TJP2: variants seen among roughly 807,000 people sequenced by gnomAD.
The protein encoded by TJP2 is tight junction protein 2.
TJP2 carries 91 observed loss-of-function variants against 133.1 expected under a neutral mutation model. That is an observed-to-expected ratio of 0.68 (90% CI 0.58 to 0.81). The LOEUF is 0.81. TJP2 is among the 40% of genes least tolerant of loss of function. TJP2 has a pLI of 0.00. For missense variants in TJP2, 1,541 were observed against 1,565.6 expected (o/e 0.98, Z 0.26); for synonymous variants, 592 against 583.4 (o/e 1.01, Z -0.21).
At chr9:69,230,863 A>C (rs1829721029) in intron 11 of TJP2, among the ~76,000 whole-genome samples, 1 of 152,222 alleles carries the variant, frequency 6.6e-6, no homozygotes, top group Admixed American at 6.5e-5. Flanking sequence ...GAAGATAACA[A>C]ATAGCTGCTA....
chr9:69,166,907 A>G (rs1824387036), intron 2 of TJP2, among the ~76,000 whole-genome samples: 1 of 152,218 alleles, frequency 6.6e-6, no homozygotes, highest in Non-Finnish European at 1.5e-5. Context: ...ACTGCACTCC[A>G]GCCTGGGCCA....
intron 1 of TJP2, among the ~76,000 whole-genome samples, chr9:69,196,463 G>T (rs1826567146): frequency 6.6e-6 from 1 of 152,078 alleles, no homozygotes; most frequent in Non-Finnish European, 1.5e-5. Context: ...TAGAGAGGTG[G>T]GTCTTGTTAC....
chr9:69,176,019 T>C (rs1825058215), intron 1 of TJP2, among the ~76,000 whole-genome samples: 1 of 152,244 alleles, frequency 6.6e-6, no homozygotes, highest in African/African-American at 2.4e-5. Context: ...AGGGGTCTAG[T>C]GGACCTGAAA....
At chr9:69,220,049 G>C (rs1416239146) in intron 4 of TJP2, among the ~76,000 whole-genome samples, 4 of 152,140 alleles carry the variant, frequency 2.6e-5, no homozygotes, top group African/African-American at 9.7e-5. Flanking sequence ...TATCGGGAGG[G>C]TGAGGCACGA....
At chr9:69,237,850 G>A in intron 14 of TJP2, 28 bp from the exon 15 acceptor site, 1 of 1,526,788 alleles carries the variant, frequency 6.5e-7, no homozygotes, top group African/African-American at 1.4e-5. Flanking sequence ...AAGTGTGTAT[G>A]CTTTAATGGC....
At chr9:69,208,215 T>C (rs1827586446) in intron 1 of TJP2, among the ~76,000 whole-genome samples, 1 of 152,208 alleles carries the variant, frequency 6.6e-6, no homozygotes, top group Non-Finnish European at 1.5e-5. Context: ...CTAGTTCCCT[T>C]CCTTTACAAT....
rs1156502519 is a variant in TJP2, at chr9:69,158,327, C to CAAA, written c.-10+6579_-10+6581dup. On this transcript the variant is annotated intron_variant, in intron 2 of 5. Coordinates refer to the TJP2 transcript ENST00000423935. ...TGAGGGACAGAGCAAGACTTTGCCT[C>CAAA]AAAAAAAAAAAAAAAAAAAAAAAAA... Among the ~76,000 whole-genome samples the CAAA allele has an allele frequency of 8.6e-3, 444 of 51,928 alleles. 4 individuals are homozygous for CAAA. Among genetic ancestry groups the CAAA allele is most frequent in the Middle Eastern group, 0.05 (2 of 40 alleles). The allele number at this position is 51,928 out of a possible 152,430, so 34.1% of individuals were successfully genotyped here.
rs774647300 is a variant in TJP2 at position 69,240,128 on chromosome 9, G to A, written c.2547G>A (p.Thr849=). The A allele has an allele frequency of 1.2e-5, 19 of 1,613,752 alleles. No homozygotes were observed. Among genetic ancestry groups the A allele is most frequent in the East Asian group, 6.7e-5 (3 of 44,866 alleles). ...LFDQANKLKK[T]CAHLFTATIN... is the part of the protein sequence containing the mutation. ...ATCAAGCCAACAAGCTTAAAAAAAC[G>A]TGTGCACACCTTTTTACAGGTAAGT... The change falls in exon 17 of 23, where the codon ACG becomes ACA. Residue 849 remains threonine, a synonymous_variant. Coordinates refer to ENST00000377245, the MANE Select transcript of TJP2 (RefSeq NM_004817.4).
intron 5 of TJP2, among the ~76,000 whole-genome samples, chr9:69,224,343 G>A (rs1470411573): frequency 6.6e-6 from 1 of 151,078 alleles, no homozygotes; most frequent in Non-Finnish European, 1.5e-5. Flanking sequence ...CTATTAAGGT[G>A]TGCTGAATTG....
At chr9:69,214,126 C>T (rs977250621) in intron 2 of TJP2, among the ~76,000 whole-genome samples, 10 of 152,152 alleles carry the variant, frequency 6.6e-5, no homozygotes, top group African/African-American at 1.9e-4. Flanking sequence ...CATTCAGTTG[C>T]CCAGGCTGGA....
chr9:69,243,894 A>G (rs534982263), intron 17 of TJP2, among the ~76,000 whole-genome samples: 180 of 147,742 alleles, frequency 1.2e-3, no homozygotes, highest in Middle Eastern at 3.4e-3. Context: ...TTGAAAGTAT[A>G]TAGTTCAGCT....
At chr9:69,204,613 T>A (rs1175265198) in intron 1 of TJP2, among the ~76,000 whole-genome samples, 5 of 152,206 alleles carry the variant, frequency 3.3e-5, no homozygotes, top group African/African-American at 1.2e-4. Flanking sequence ...CAGCACCAAA[T>A]GAGTCTTATC....
chr9:69,173,454 G>A (rs1824800761), upstream of TJP2, among the ~76,000 whole-genome samples: 1 of 152,228 alleles, frequency 6.6e-6, no homozygotes, highest in African/African-American at 2.4e-5. Flanking sequence ...ATAAGCACTT[G>A]TGACCTACTG....
At chr9:69,234,376 T>G in intron 11 of TJP2, 63 bp from the exon 12 acceptor site, 14 of 1,244,468 alleles carry the variant, frequency 1.1e-5, no homozygotes, top group Non-Finnish European at 1.5e-5. Context: ...TGTTTTTTCT[T>G]TCTTTCTTTC....
At chr9:69,224,717 T>TAAAC (rs1010901338) in intron 5 of TJP2, among the ~76,000 whole-genome samples, 5 of 152,152 alleles carry the variant, frequency 3.3e-5, no homozygotes, top group African/African-American at 1.2e-4. Context: ...TTATAGCAAA[T>TAAAC]AAACATATAA....
At chr9:69,227,591 C>T (rs2133324692) in intron 7 of TJP2, among the ~76,000 whole-genome samples, 174 bp from the exon 8 acceptor site, 1 of 152,292 alleles carries the variant, frequency 6.6e-6, no homozygotes, top group African/African-American at 2.4e-5. Flanking sequence ...TAATGCCTTT[C>T]CCTTAAAACG....
Position 69,254,715 on chromosome 9 carries a change from T to G in TJP2, c.*341T>G. 1 of 561,670 alleles carries G rather than the reference T, an allele frequency of 1.8e-6. No homozygotes were observed. The highest frequency in any genetic ancestry group is 3.2e-6 in the Non-Finnish European group (1 of 317,388). 34.8% of individuals were successfully genotyped at this position (561,670 alleles called of 1,614,324 possible). A position where few individuals can be genotyped will look rare whatever the true frequency, so the allele number is the denominator to read the frequency against. ...AGAAGCAATAACTATTTTTCCTCATTAATAGCTGCCTTCAAGGACTGTTTC... is the reference window on the plus strand; with the variant it reads ...AGAAGCAATAACTATTTTTCCTCATGAATAGCTGCCTTCAAGGACTGTTTC... On this transcript the variant is annotated 3_prime_UTR_variant, in exon 23 of 23. Transcript: ENST00000377245.
chr9:69,234,586 G>GGGGGGT, intron 12 of TJP2, 39 bp downstream of exon 12: 1 of 1,110,236 alleles, frequency 9.0e-7, no homozygotes, highest in Non-Finnish European at 1.3e-6. Context: ...TGGGGTGGGG[G>GGGGGGT]TGGGGAGTGG....
At chr9:69,214,683 A>G (rs191652593) in intron 2 of TJP2, among the ~76,000 whole-genome samples, 12 of 152,206 alleles carry the variant, frequency 7.9e-5, no homozygotes, top group Admixed American at 7.8e-4. Context: ...CCTGGCCAAC[A>G]TGGTGAAACC....
Sources: gnomAD v4.1 joint callset for allele counts (sites outside exome capture counted in the v4.1 genomes callset) on GRCh38, gnomAD v4.1.1 for gene constraint, MANE v1.5 for transcripts, NCBI Gene and HGNC (gene_info 2026-07-23, HGNC 2026-07-21) for gene names.